The following SORCS1 variants were observed in gnomAD, a reference collection of about 807,000 sequenced individuals.
SORCS1 encodes the protein sortilin related VPS10 domain containing receptor 1, also known as VPS10 domain-containing receptor SorCS1.
Under a neutral mutation model 146.1 loss-of-function variants are expected in SORCS1, and 60 were observed. That is an observed-to-expected ratio of 0.41 (90% CI 0.33 to 0.51). SORCS1 has a LOEUF of 0.51. SORCS1 is among the 20% of genes least tolerant of loss of function. The pLI, the probability that SORCS1 is intolerant of heterozygous loss-of-function variation, is 0.21. For missense variants in SORCS1, 1,352 were observed against 1,487.6 expected (o/e 0.91, Z 1.50); for synonymous variants, 637 against 584.0 (o/e 1.09, Z -1.31).
intron 2 of SORCS1, among the ~76,000 whole-genome samples, chr10:106,854,980 G>T (rs1477034042): frequency 6.6e-6 from 1 of 152,082 alleles, no homozygotes; most frequent in East Asian, 1.9e-4. Flanking sequence ...TCCTTACATA[G>T]ACTTGAGTTT....
chr10:107,090,497 T>C (rs1964107362), intron 1 of SORCS1, among the ~76,000 whole-genome samples: 1 of 152,198 alleles, frequency 6.6e-6, no homozygotes, highest in Non-Finnish European at 1.5e-5. Context: ...ATAGTACTAA[T>C]GATGACAATT....
In SORCS1 at chr10:106,894,213, A is replaced by T. The variant is rs563752293; in HGVS notation, c.626+62300T>A. Among the ~76,000 whole-genome samples, 62 of 151,706 alleles carry T rather than the reference A, an allele frequency of 4.1e-4. 2 individuals carry two copies. The South Asian group carries it at 0.013, about 31-fold the overall frequency. On this transcript the variant is annotated intron_variant, in intron 2 of 25. Coordinates refer to ENST00000263054, the MANE Select transcript of SORCS1 (RefSeq NM_052918.5). The stretch of plus-strand genomic sequence containing the variant: ...AAATTGGGAAAATCCGTCAGCATGT[A>T]GGAAGTTAGTGGGGCATGTGTGCAT...
At chr10:106,880,691 A>C (rs1272498837) in intron 2 of SORCS1, among the ~76,000 whole-genome samples, 2 of 152,192 alleles carry the variant, frequency 1.3e-5, no homozygotes, top group Non-Finnish European at 2.9e-5. Flanking sequence ...GGCTAAAAAT[A>C]ACCTAACAAA....
Position 107,001,873 on chromosome 10 carries a change from T to C in SORCS1, c.559-45293A>G, listed in dbSNP as rs914118618. Among the ~76,000 whole-genome samples, 5 of 152,240 alleles carry C rather than the reference T, an allele frequency of 3.3e-5. No individual in the cohort carries two copies. The East Asian group carries it at 9.6e-4, about 29-fold the overall frequency. The stretch of plus-strand genomic sequence containing the variant: ...GCAGTTAAACCTGGCTCTAAAAGGA[T>C]TCACACCAATCTGTTATTATTGGTT... On this transcript the variant is annotated intron_variant, in intron 1 of 25. Transcript: ENST00000263054.
intron 1 of SORCS1, among the ~76,000 whole-genome samples, chr10:106,984,401 T>C (rs905463016): frequency 1.3e-5 from 2 of 148,634 alleles, no homozygotes; most frequent in Admixed American, 6.6e-5. Flanking sequence ...TCCATTTTTT[T>C]TTTTTTTTTT....
At chr10:106,646,115 A>G (rs1244831283) in intron 18 of SORCS1, among the ~76,000 whole-genome samples, 1 of 151,980 alleles carries the variant, frequency 6.6e-6, no homozygotes, top group East Asian at 1.9e-4. Flanking sequence ...AAATACAAAA[A>G]TTAGCTGGGT....
intron 16 of SORCS1, among the ~76,000 whole-genome samples, chr10:106,669,765 G>A (rs899081241): frequency 6.6e-6 from 1 of 152,238 alleles, no homozygotes; most frequent in African/African-American, 2.4e-5. Context: ...AGCCCAAAGA[G>A]ATACTTCATT....
chr10:107,170,635 CAA>C, the SORCS1 span, among the ~76,000 whole-genome samples: 1 of 152,182 alleles, frequency 6.6e-6, no homozygotes, highest in Non-Finnish European at 1.5e-5. Flanking sequence ...TCACTCAGAG[CAA>C]AGAGTATCTT....
chr10:107,168,615 A>G (rs1486346151), upstream of SORCS1, among the ~76,000 whole-genome samples: 1 of 150,760 alleles, frequency 6.6e-6, no homozygotes, highest in African/African-American at 2.4e-5. Flanking sequence ...AATCAGATAT[A>G]TACTCTATGC....
intron 1 of SORCS1, among the ~76,000 whole-genome samples, chr10:107,158,179 C>A (rs1200413964): frequency 6.6e-6 from 1 of 152,080 alleles, no homozygotes; most frequent in East Asian, 1.9e-4. Flanking sequence ...ATTTAATGTG[C>A]AAATAAGGTC....
At chr10:106,617,640 T>G (rs2133467033) in intron 21 of SORCS1, among the ~76,000 whole-genome samples, 1 of 152,366 alleles carries the variant, frequency 6.6e-6, no homozygotes, top group South Asian at 2.1e-4. Flanking sequence ...ATATCCCGTC[T>G]ATGGCTATGT....
chr10:106,866,450 GACCTTTAGCC>G (rs1950224295), intron 2 of SORCS1, among the ~76,000 whole-genome samples: 1 of 152,174 alleles, frequency 6.6e-6, no homozygotes, highest in African/African-American at 2.4e-5. Flanking sequence ...ACATGCAAAA[GACCTTTAGCC>G]ACACCACTAC....
At chr10:106,862,784 A>T (rs909826393) in intron 2 of SORCS1, among the ~76,000 whole-genome samples, 3,422 of 143,492 alleles carry the variant, frequency 0.024, 137 homozygotes, top group African/African-American at 0.081. Flanking sequence ...TCTCTACAAA[A>T]AAAAAAAAAA....
Position 106,858,193 on chromosome 10 carries a change from T to C in SORCS1, c.627-28520A>G, listed in dbSNP as rs1949866332. ...ATCAAAAGCTTTTATTCTTTAAATATGTTACTTTTATGTTAATAAGGGATA... is the reference window on the plus strand; with the variant it reads ...ATCAAAAGCTTTTATTCTTTAAATACGTTACTTTTATGTTAATAAGGGATA... On this transcript the variant is annotated intron_variant, in intron 2 of 25. Transcript: ENST00000263054. Among the ~76,000 whole-genome samples the C allele has an allele frequency of 2.0e-5, 3 of 152,202 alleles. No homozygotes were observed. In the South Asian group the frequency reaches 6.2e-4, roughly 31 times the overall value.
chr10:106,845,898 T>C (rs1195264303), intron 2 of SORCS1, among the ~76,000 whole-genome samples: 4 of 112,466 alleles, frequency 3.6e-5, no homozygotes, highest in South Asian at 3.6e-4. Flanking sequence ...GTTGTAGGTA[T>C]GTGGCGTTAT....
intron 1 of SORCS1, among the ~76,000 whole-genome samples, chr10:106,959,785 T>C (rs1293213701): frequency 2.0e-5 from 3 of 152,118 alleles, no homozygotes; most frequent in South Asian, 2.1e-4. Context: ...TAGCTGGGAG[T>C]GAGGTGCAGG....
At chr10:106,835,369 T>C (rs1948735252) in intron 2 of SORCS1, among the ~76,000 whole-genome samples, 1 of 152,250 alleles carries the variant, frequency 6.6e-6, no homozygotes, top group Non-Finnish European at 1.5e-5. Flanking sequence ...ATAGCTTTTG[T>C]TACTCATTTT....
intron 6 of SORCS1, among the ~76,000 whole-genome samples, chr10:106,709,927 A>T (rs1292891129): frequency 6.6e-6 from 1 of 151,996 alleles, no homozygotes; most frequent in Admixed American, 6.6e-5. Flanking sequence ...CTTGCTAATT[A>T]TTTTTTTCCC....
chr10:107,078,237 T>A (rs2134221674), intron 1 of SORCS1, among the ~76,000 whole-genome samples: 1 of 152,280 alleles, frequency 6.6e-6, no homozygotes, highest in East Asian at 1.9e-4. Context: ...ACCACGGTGT[T>A]AAATAACTTA....
Sources: gnomAD v4.1 joint callset for allele counts (sites outside exome capture counted in the v4.1 genomes callset) on GRCh38, gnomAD v4.1.1 for gene constraint, MANE v1.5 for transcripts, NCBI Gene and HGNC (gene_info 2026-07-23, HGNC 2026-07-21) for gene names.